Variants in ADK observed in about 807,000 individuals in gnomAD.
ADK encodes N6,N6-dimethyladenosine kinase.
A neutral mutation model predicts 44.7 loss-of-function variants in ADK; 24 were observed. The ratio of observed to expected loss-of-function variants is 0.54; its 90% CI spans 0.39 to 0.76. ADK has a LOEUF of 0.76. Ranked by LOEUF, ADK falls within the 30% of genes least tolerant of loss-of-function variation. The pLI, the probability that ADK is intolerant of heterozygous loss-of-function variation, is 0.00. For missense variants in ADK, 321 were observed against 425.1 expected (o/e 0.76, Z 2.15); for synonymous variants, 128 against 142.6 (o/e 0.90, Z 0.73).
At chr10:74,176,601 C>T (rs1252682266) in intron 1 of ADK, 3 of 1,382,806 alleles carry the variant, frequency 2.2e-6, no homozygotes, top group Non-Finnish European at 2.8e-6. Flanking sequence ...CTCGCTAGCC[C>T]GCGCGCCAGT....
At chr10:74,634,999 C>T (rs909385124) in intron 9 of ADK, among the ~76,000 whole-genome samples, 2 of 152,116 alleles carry the variant, frequency 1.3e-5, no homozygotes, top group African/African-American at 4.8e-5. Flanking sequence ...TTTAGGACAA[C>T]AGCAAAAGGC....
intron 9 of ADK, among the ~76,000 whole-genome samples, chr10:74,636,181 A>G (rs1340625131): frequency 6.6e-6 from 1 of 152,170 alleles, no homozygotes; most frequent in Admixed American, 6.5e-5. Context: ...ATAAATAGAA[A>G]CTACAAAATG....
chr10:74,651,780 C>A (rs556599160), intron 9 of ADK, among the ~76,000 whole-genome samples: 1 of 152,240 alleles, frequency 6.6e-6, no homozygotes, highest in African/African-American at 2.4e-5. Flanking sequence ...CCAATCTGAG[C>A]AGGCTCCAGC....
rs148981061 is a variant in ADK at position 74,552,081 on chromosome 10, G to A, written c.726+26655G>A. Among the ~76,000 whole-genome samples the A allele has an allele frequency of 1.3e-3, 199 of 151,910 alleles. 1 individual carries two copies. The highest frequency in any genetic ancestry group is 4.5e-3 in the African/African-American group (187 of 41,430). ...TTCAGTTCATAGTTGGTTGAATGTG[G>A]ATGCAGATACAGTGGGCCAACTGTA... On this transcript the variant is annotated intron_variant, in intron 7 of 10. Transcript: ENST00000539909.
intron 9 of ADK, among the ~76,000 whole-genome samples, chr10:74,627,798 A>C (rs1270758516): frequency 6.6e-6 from 1 of 152,036 alleles, no homozygotes; most frequent in Non-Finnish European, 1.5e-5. Flanking sequence ...TCACCTGGCT[A>C]ATTTTTTTTG....
chr10:74,188,747 C>G (rs922654202), intron 1 of ADK, among the ~76,000 whole-genome samples: 9 of 151,830 alleles, frequency 5.9e-5, no homozygotes, highest in Admixed American at 4.6e-4. Context: ...TTCTTGTTTT[C>G]TAATGTGCAT....
intron 10 of ADK, among the ~76,000 whole-genome samples, chr10:74,689,503 G>A (rs947020934): frequency 2.6e-4 from 39 of 152,232 alleles, no homozygotes; most frequent in African/African-American, 8.7e-4. Context: ...TCTCCAAGTT[G>A]ATTCCTGACA....
chr10:74,223,857 G>T (rs1274419047), intron 2 of ADK, among the ~76,000 whole-genome samples: 1 of 152,166 alleles, frequency 6.6e-6, no homozygotes, highest in Non-Finnish European at 1.5e-5. Flanking sequence ...GGGAGGCTGA[G>T]GTGGTTGGAT....
At chr10:74,594,873 T>C (rs1483359308) in intron 8 of ADK, among the ~76,000 whole-genome samples, 1 of 151,914 alleles carries the variant, frequency 6.6e-6, no homozygotes, top group East Asian at 1.9e-4. Flanking sequence ...GTTCAACAGA[T>C]TAAAAAAATA....
intron 1 of ADK, among the ~76,000 whole-genome samples, chr10:74,175,152 G>A (rs1842286650): frequency 6.6e-6 from 1 of 152,164 alleles, no homozygotes; most frequent in Admixed American, 6.5e-5. Flanking sequence ...AGGCTGAGGC[G>A]GGCAGATCGC....
intron 4 of ADK, among the ~76,000 whole-genome samples, chr10:74,382,731 T>C (rs1458878033): frequency 6.6e-6 from 1 of 152,140 alleles, no homozygotes. Context: ...GAGTTTCTTG[T>C]TTAATTTGAT....
intron 6 of ADK, among the ~76,000 whole-genome samples, chr10:74,475,259 A>C (rs1376670371): frequency 6.6e-6 from 1 of 152,168 alleles, no homozygotes; most frequent in Non-Finnish European, 1.5e-5. Flanking sequence ...TTACTACTCA[A>C]ATTCGAGATT....
intron 6 of ADK, 118 bp from the exon 7 acceptor site, chr10:74,525,138 T>C (rs779815463): frequency 7.9e-6 from 8 of 1,018,792 alleles, no homozygotes; most frequent in African/African-American, 3.3e-5. Context: ...ATTTTCTGCC[T>C]TGCATCTTAT....
At chr10:74,402,048 A>G (rs1198376160) in intron 6 of ADK, among the ~76,000 whole-genome samples, 1 of 152,182 alleles carries the variant, frequency 6.6e-6, no homozygotes, top group Non-Finnish European at 1.5e-5. Flanking sequence ...TCTATTCTTT[A>G]AGAATGTTGA....
intron 9 of ADK, among the ~76,000 whole-genome samples, chr10:74,601,417 G>T (rs1852115018): frequency 6.6e-6 from 1 of 151,876 alleles, no homozygotes; most frequent in African/African-American, 2.4e-5. Context: ...TATATTTGAG[G>T]TTTATAACAT....
intron 7 of ADK, among the ~76,000 whole-genome samples, chr10:74,563,384 GAT>G (rs1467186498): frequency 6.6e-6 from 1 of 152,096 alleles, no homozygotes; most frequent in Admixed American, 6.6e-5. Flanking sequence ...TTTTCTCAGA[GAT>G]TCTTTCTTCA....
intron 4 of ADK, among the ~76,000 whole-genome samples, chr10:74,323,816 C>G (rs940823235): frequency 2.0e-5 from 3 of 152,006 alleles, no homozygotes; most frequent in Non-Finnish European, 2.9e-5. Flanking sequence ...GTGATCCGCC[C>G]GCCTTGGCCT....
chr10:74,408,999 T>G (rs1039739096), intron 6 of ADK, among the ~76,000 whole-genome samples: 1 of 152,194 alleles, frequency 6.6e-6, no homozygotes, highest in African/African-American at 2.4e-5. Context: ...GTGTCAAAAT[T>G]CCCTCAAATA....
intron 4 of ADK, among the ~76,000 whole-genome samples, chr10:74,362,317 T>C (rs1286852877): frequency 2.6e-5 from 4 of 152,108 alleles, no homozygotes; most frequent in African/African-American, 9.6e-5. Context: ...CTGATTCTTT[T>C]ATTTGGTTAA....
Sources: allele counts gnomAD v4.1 joint callset (sites outside exome capture counted in the v4.1 genomes callset), GRCh38; gene constraint gnomAD v4.1.1; transcripts MANE v1.5; gene names NCBI Gene and HGNC (gene_info 2026-07-23, HGNC 2026-07-21).